The following FBXL17 variants were observed in gnomAD, a reference collection of about 807,000 sequenced individuals.
FBXL17 encodes F-box/LRR-repeat protein 17.
FBXL17 carries 22 observed loss-of-function variants against 66.2 expected under a neutral mutation model. The ratio of observed to expected loss-of-function variants is 0.33; its 90% CI spans 0.24 to 0.47. FBXL17 has a LOEUF of 0.47. Among genes scored for constraint, FBXL17 ranks in the 20% least tolerant of loss-of-function variants. FBXL17 has a pLI of 1.00. For missense variants in FBXL17, 878 were observed against 948.2 expected, an observed-to-expected ratio of 0.93 and a Z score of 0.97; for synonymous variants, 474 against 400.5, an observed-to-expected ratio of 1.18 and a Z score of -2.19.
chr5:108,349,283 A>G (rs1747491856), intron 3 of FBXL17, among the ~76,000 whole-genome samples: 1 of 152,212 alleles, frequency 6.6e-6, no homozygotes, highest in Non-Finnish European at 1.5e-5. Context: ...ATTTAAATAC[A>G]TACATGTGTA....
chr5:108,131,933 T>C (rs1302250449), intron 6 of FBXL17, among the ~76,000 whole-genome samples: 1 of 152,022 alleles, frequency 6.6e-6, no homozygotes, highest in African/African-American at 2.4e-5. Context: ...AGGATAACCA[T>C]GAGTCCTTCC....
At chr5:108,119,350 G>A (rs1750385722) in intron 6 of FBXL17, among the ~76,000 whole-genome samples, 1 of 152,130 alleles carries the variant, frequency 6.6e-6, no homozygotes, top group Non-Finnish European at 1.5e-5. Flanking sequence ...GCACTTCAGG[G>A]AATGGAAACT....
At chr5:108,206,628 CT>C (rs144060806) in intron 5 of FBXL17, among the ~76,000 whole-genome samples, 2 of 152,012 alleles carry the variant, frequency 1.3e-5, no homozygotes, top group East Asian at 1.9e-4. Context: ...AAACAGAACT[CT>C]TTTTTTTATC....
chr5:108,070,384 T>C (rs1307182497), intron 6 of FBXL17, among the ~76,000 whole-genome samples: 1 of 152,228 alleles, frequency 6.6e-6, no homozygotes, highest in East Asian at 1.9e-4. Context: ...TTATATTTCA[T>C]ACTGGCAAAT....
intron 6 of FBXL17, among the ~76,000 whole-genome samples, chr5:108,057,646 CAAATGTTTAAAAGTATATA>C (rs1747760656): frequency 6.6e-6 from 1 of 152,130 alleles, no homozygotes; most frequent in South Asian, 2.1e-4. Flanking sequence ...AACTTGTATA[CAAATGTTTAAAAGTATATA>C]AACCTTCCCA....
At chr5:107,911,520 C>G (rs144135226) in intron 7 of FBXL17, among the ~76,000 whole-genome samples, 2 of 152,026 alleles carry the variant, frequency 1.3e-5, no homozygotes, top group South Asian at 4.2e-4. Context: ...TATATTAACT[C>G]ACACACCTTG....
intron 4 of FBXL17, among the ~76,000 whole-genome samples, chr5:108,225,838 T>C (rs1212275901): frequency 6.6e-6 from 1 of 152,198 alleles, no homozygotes; most frequent in Non-Finnish European, 1.5e-5. Context: ...ATCTCAATTA[T>C]CCCAGCATTT....
intron 6 of FBXL17, among the ~76,000 whole-genome samples, chr5:108,093,176 T>C (rs1749248550): frequency 6.6e-6 from 1 of 151,942 alleles, no homozygotes; most frequent in Non-Finnish European, 1.5e-5. Context: ...TTAATTAACA[T>C]AAAAGCTGGT....
chr5:108,323,774 C>A (rs1759728578), intron 4 of FBXL17, among the ~76,000 whole-genome samples: 1 of 152,058 alleles, frequency 6.6e-6, no homozygotes, highest in African/African-American at 2.4e-5. Flanking sequence ...AATCTAGAAA[C>A]AAATTCTTGC....
At chr5:108,196,704 A>T (rs1753693947) in intron 5 of FBXL17, among the ~76,000 whole-genome samples, 1 of 152,200 alleles carries the variant, frequency 6.6e-6, no homozygotes, top group African/African-American at 2.4e-5. Context: ...TAACTCCATC[A>T]AATGCAGGAT....
At chr5:108,311,516 C>A (rs1359981528) in intron 4 of FBXL17, among the ~76,000 whole-genome samples, 2 of 152,106 alleles carry the variant, frequency 1.3e-5, no homozygotes, top group Non-Finnish European at 2.9e-5. Flanking sequence ...GTTCTTTACT[C>A]TTAATATGCT....
chr5:108,303,410 G>T (rs1355643758), intron 4 of FBXL17, among the ~76,000 whole-genome samples: 1 of 147,468 alleles, frequency 6.8e-6, no homozygotes, highest in African/African-American at 2.5e-5. Context: ...CCACACACAA[G>T]CAACACTACT....
In FBXL17 at chr5:108,123,485, T is replaced by C. The variant is rs150065168; in HGVS notation, c.1745+62632A>G. ...AATATATTCAGCTACTATGTTGATA[T>C]TTCCATTTGAAAGCTTTAATATAAA... On this transcript the variant is annotated intron_variant, in intron 6 of 8. Coordinates refer to ENST00000542267, the MANE Select transcript of FBXL17 (RefSeq NM_001163315.3). 3.0e-3 allele frequency among the ~76,000 whole-genome samples: 459 copies of C among 152,354 alleles called. 1 individual carries two copies. The highest frequency in any genetic ancestry group is 0.011 in the African/African-American group (442 of 41,586).
At chr5:108,190,577 G>A (rs1580586071) in intron 5 of FBXL17, among the ~76,000 whole-genome samples, 1 of 152,120 alleles carries the variant, frequency 6.6e-6, no homozygotes, top group East Asian at 1.9e-4. Flanking sequence ...CTTAACACAG[G>A]TTAACTGTCT....
intron 6 of FBXL17, among the ~76,000 whole-genome samples, chr5:108,115,741 T>C (rs534088701): frequency 2.0e-5 from 3 of 152,292 alleles, no homozygotes; most frequent in Non-Finnish European, 2.9e-5. Flanking sequence ...ATACACACCA[T>C]GTCAGTAAAG....
At chr5:108,159,233 C>T (rs186934692) in intron 6 of FBXL17, among the ~76,000 whole-genome samples, 5 of 152,278 alleles carry the variant, frequency 3.3e-5, no homozygotes, top group Non-Finnish European at 5.9e-5. Context: ...TTTCCTTTCG[C>T]TTTTTCTTAC....
intron 6 of FBXL17, among the ~76,000 whole-genome samples, chr5:108,177,930 T>C (rs114287160): frequency 3.5e-4 from 44 of 124,992 alleles, no homozygotes; most frequent in Admixed American, 1.5e-3. Flanking sequence ...TATATATATA[T>C]ATACACACAC....
chr5:108,269,328 T>C (rs937744197), intron 4 of FBXL17, among the ~76,000 whole-genome samples: 1 of 152,054 alleles, frequency 6.6e-6, no homozygotes, highest in African/African-American at 2.4e-5. Context: ...AATTATTTCC[T>C]TACACTGTTA....
chr5:108,357,288 CATA>C (rs1378164652), intron 3 of FBXL17, among the ~76,000 whole-genome samples: 2 of 151,924 alleles, frequency 1.3e-5, no homozygotes, highest in African/African-American at 4.8e-5. Flanking sequence ...TCCAGGAAGA[CATA>C]ATAATCCTTA....
Sources: allele counts gnomAD v4.1 joint callset (sites outside exome capture counted in the v4.1 genomes callset), GRCh38; gene constraint gnomAD v4.1.1; transcripts MANE v1.5; gene names NCBI Gene and HGNC (gene_info 2026-07-23, HGNC 2026-07-21).